Variants in PRKCD observed in about 807,000 individuals in gnomAD.
PRKCD encodes protein kinase C delta.
PRKCD carries 20 observed loss-of-function variants against 82.2 expected under a neutral mutation model. The observed-to-expected ratio is 0.24, with a 90% CI of 0.17 to 0.35. The LOEUF is 0.35. Ranked by LOEUF, PRKCD falls within the 10% of genes least tolerant of loss-of-function variation. The probability of loss-of-function intolerance (pLI) is 1.00; values close to 1 mark genes in which losing one functional copy is unlikely to be tolerated. For missense variants in PRKCD, 607 were observed against 899.0 expected, an observed-to-expected ratio of 0.68 and a Z score of 4.15; for synonymous variants, 317 against 337.0, an observed-to-expected ratio of 0.94 and a Z score of 0.65.
At position 53,169,393 on chromosome 3, in the gene PRKCD, G is replaced by A. The variant is rs970063969; in HGVS notation, c.-20+4178G>A. Among the ~76,000 whole-genome samples the A allele has an allele frequency of 3.5e-4, 53 of 152,150 alleles. 1 individual carries two copies. Among genetic ancestry groups the A allele is most frequent in the Non-Finnish European group, 7.4e-5 (5 of 68,016 alleles). On this transcript the variant is annotated intron_variant, in intron 2 of 18. Transcript: ENST00000330452. The surrounding 1 kb of genome is among the most constrained non-coding windows in gnomAD (Gnocchi z 4.7). ...GTGGGGGAGCATTTGAGAGGCCCAC[G>A]AACAGGACTGGGATGGCTGTCCCTC...
intron 3 of PRKCD, among the ~76,000 whole-genome samples, chr3:53,179,084 A>G (rs1163345777): frequency 3.3e-5 from 5 of 152,098 alleles, no homozygotes; most frequent in African/African-American, 1.2e-4. Context: ...TCCTTCCTCT[A>G]GGAAATCTTC....
chr3:53,189,853 G>C lies in PRKCD; in HGVS notation c.1744-20G>C, dbSNP rs1553670413. ...TCCCATGGCCCTTGGGTGCTAACCA[G>C]GGTCCCTGCTGGGTTGCAGCTCTTT... On this transcript the variant is annotated intron_variant, in intron 17 of 18. Transcript: ENST00000330452. The C allele has an allele frequency of 8.1e-6, 13 of 1,614,012 alleles. No homozygotes were observed. Among genetic ancestry groups the C allele is most frequent in the African/African-American group, 1.3e-5 (1 of 75,046 alleles).
At chr3:53,181,021 T>TG (rs1375302973) in intron 4 of PRKCD, among the ~76,000 whole-genome samples, 186 bp from the exon 5 acceptor site, 21 of 66,472 alleles carry the variant, frequency 3.2e-4, no homozygotes, top group Non-Finnish European at 5.6e-4. Flanking sequence ...GGGTACAGGG[T>TG]GGGGGTGGGG....
chr3:53,167,887 TTCC>T (rs1219505411), intron 2 of PRKCD, among the ~76,000 whole-genome samples: 1 of 152,160 alleles, frequency 6.6e-6, no homozygotes, highest in Non-Finnish European at 1.5e-5. Flanking sequence ...GTTCAGTAGG[TTCC>T]ATGCCCTCCG....
At chr3:53,174,874 G>A (rs1553665592) in intron 2 of PRKCD, among the ~76,000 whole-genome samples, 1 of 152,224 alleles carries the variant, frequency 6.6e-6, no homozygotes, top group Non-Finnish European at 1.5e-5. Flanking sequence ...GGCCTGCTGT[G>A]TTTGTGGTTT....
chr3:53,161,995 C>A (rs1293902260), intron 1 of PRKCD, among the ~76,000 whole-genome samples: 1 of 151,512 alleles, frequency 6.6e-6, no homozygotes, highest in Non-Finnish European at 1.5e-5. Context: ...GGCCGCCCGC[C>A]GGGCCTCGCC....
intron 4 of PRKCD, among the ~76,000 whole-genome samples, 181 bp from the exon 5 acceptor site, chr3:53,181,026 G>T (rs1351922420): frequency 6.6e-6 from 1 of 151,882 alleles, no homozygotes; most frequent in African/African-American, 2.4e-5. Context: ...CAGGGTGGGG[G>T]TGGGGCTCAG....
At chr3:53,181,642 G>T in intron 6 of PRKCD, 36 bp downstream of exon 6, 1 of 1,613,338 alleles carries the variant, frequency 6.2e-7, no homozygotes, top group Non-Finnish European at 8.5e-7. Flanking sequence ...GGTGGTGCAG[G>T]GTAGTGGGGG....
chr3:53,179,911 C>CTT, intron 4 of PRKCD, 135 bp downstream of exon 4: 7 of 1,069,462 alleles, frequency 6.5e-6, no homozygotes, highest in Non-Finnish European at 9.5e-6. Flanking sequence ...CCTGTGCTGG[C>CTT]CACCAGTCCA....
intron 4 of PRKCD, among the ~76,000 whole-genome samples, chr3:53,180,809 G>A (rs1703408899): frequency 6.6e-6 from 1 of 152,176 alleles, no homozygotes; most frequent in Non-Finnish European, 1.5e-5. Flanking sequence ...GGAGCAGCGT[G>A]TGTGCACGAG....
At chr3:53,172,149 A>T (rs1703054039) in intron 2 of PRKCD, among the ~76,000 whole-genome samples, 1 of 152,012 alleles carries the variant, frequency 6.6e-6, no homozygotes, top group Non-Finnish European at 1.5e-5. Context: ...AGGGCTGGGC[A>T]TGTGGAGGCT....
intron 10 of PRKCD, among the ~76,000 whole-genome samples, chr3:53,185,386 TTC>T (rs1446556030): frequency 2.6e-5 from 4 of 152,242 alleles, no homozygotes; most frequent in Non-Finnish European, 5.9e-5. Context: ...TTTACAAAAC[TTC>T]TGTTTGTAAT....
chr3:53,190,534 G>A (rs1703889264), intron 18 of PRKCD, among the ~76,000 whole-genome samples: 3 of 152,184 alleles, frequency 2.0e-5, no homozygotes, highest in Non-Finnish European at 2.9e-5. Context: ...GAGAGGCCCC[G>A]TTGGAAGAAG....
chr3:53,181,982 A>G (rs1178819646), intron 7 of PRKCD: 2 of 678,192 alleles, frequency 2.9e-6, no homozygotes, highest in African/African-American at 1.8e-5. Context: ...AATTGGGCAC[A>G]GTAGAGTATT....
At chr3:53,190,105 C>T in intron 18 of PRKCD, 104 bp downstream of exon 18, 2 of 1,493,272 alleles carry the variant, frequency 1.3e-6, no homozygotes, top group Non-Finnish European at 9.2e-7. Context: ...CTTCTTCCAG[C>T]AATCTCCATA....
intron 2 of PRKCD, among the ~76,000 whole-genome samples, chr3:53,173,226 G>T (rs1345066582): frequency 2.0e-5 from 3 of 152,184 alleles, no homozygotes; most frequent in African/African-American, 4.8e-5. Flanking sequence ...ATACTTGTCT[G>T]CTGGAGGCAA....
chr3:53,192,343 G>C lies in PRKCD; in HGVS notation c.*77G>C. The C allele has an allele frequency of 6.5e-7, 1 of 1,546,128 alleles. No individual in the cohort carries two copies. Among genetic ancestry groups the C allele is most frequent in the Non-Finnish European group, 8.9e-7 (1 of 1,125,370 alleles). ...CCCCACGATAAGCACCAGTGGGACT[G>C]TGGTGACTTCTGCTGCTGGCCCCGC... On this transcript the variant is annotated 3_prime_UTR_variant, in exon 19 of 19. Coordinates refer to ENST00000330452, the MANE Select transcript of PRKCD (RefSeq NM_006254.4).
rs1703542144 is a variant in PRKCD at position 53,183,446 on chromosome 3, C to T, written c.658-6C>T. On this transcript the variant is annotated splice_region_variant and splice_polypyrimidine_tract_variant and intron_variant, in intron 8 of 18. Coordinates refer to ENST00000330452, the MANE Select transcript of PRKCD (RefSeq NM_006254.4). ...GACCCTCAGCCTGTGATACCCCCAC[C>T]TCCAGTTCCAGAAAGAACGCTTCAA... 6.2e-7 allele frequency: 1 copy of T among 1,613,994 alleles called. No individual in the cohort carries two copies. The highest frequency in any genetic ancestry group is 1.7e-5 in the Admixed American group (1 of 59,988).
At chr3:53,170,513 GC>G (rs1702984596) in intron 2 of PRKCD, among the ~76,000 whole-genome samples, 1 of 152,262 alleles carries the variant, frequency 6.6e-6, no homozygotes, top group Non-Finnish European at 1.5e-5. Context: ...GGCCCTGCAG[GC>G]AGGTGGGCGG....
Sources: gnomAD v4.1 joint callset for allele counts (sites outside exome capture counted in the v4.1 genomes callset) on GRCh38, gnomAD v4.1.1 for gene constraint, Gnocchi (gnomAD v3.1) non-coding constraint, MANE v1.5 for transcripts, NCBI Gene and HGNC (gene_info 2026-07-23, HGNC 2026-07-21) for gene names.